Variants in PTER observed in about 807,000 individuals in gnomAD.
PTER encodes phosphotriesterase related.
Under a neutral mutation model 29.6 loss-of-function variants are expected in PTER, and 38 were observed. The ratio of observed to expected loss-of-function variants is 1.28; its 90% CI spans 0.99 to 1.68. The LOEUF (loss-of-function observed/expected upper bound fraction) is 1.68, where lower values mean the gene tolerates loss of function less well. Ranked by LOEUF, PTER falls within the 40% of genes most tolerant of loss-of-function variation. The pLI, the probability that PTER is intolerant of heterozygous loss-of-function variation, is 0.00. For synonymous variants in PTER, 172 were observed against 154.5 expected (o/e 1.11, Z -0.84); for missense variants, 482 against 427.8 (o/e 1.13, Z -1.12).
intron 3 of PTER, among the ~76,000 whole-genome samples, chr10:16,496,041 C>T (rs766805943): frequency 2.6e-5 from 4 of 152,178 alleles, no homozygotes; most frequent in Non-Finnish European, 5.9e-5. Context: ...TTCACTCTTG[C>T]TGCTGTGCTC....
the PTER span, among the ~76,000 whole-genome samples, chr10:16,519,019 C>A: frequency 6.6e-6 from 1 of 151,856 alleles, no homozygotes; most frequent in African/African-American, 2.4e-5. Flanking sequence ...CCTGTCAGTG[C>A]CTCCTGGTGG....
intron 1 of PTER, among the ~76,000 whole-genome samples, chr10:16,481,150 G>C (rs1835466051): frequency 6.6e-6 from 1 of 152,190 alleles, no homozygotes; most frequent in Admixed American, 6.5e-5. Context: ...CAGAACTTTT[G>C]ACCCATGTGT....
intron 1 of PTER, among the ~76,000 whole-genome samples, chr10:16,446,762 A>C (rs1834027969): frequency 1.3e-5 from 2 of 150,980 alleles, no homozygotes; most frequent in Non-Finnish European, 3.0e-5. Context: ...ATTGTAAGAC[A>C]TTTTTGTTTG....
chr10:16,458,118 C>A (rs903700968), intron 1 of PTER, among the ~76,000 whole-genome samples: 1 of 152,122 alleles, frequency 6.6e-6, no homozygotes, highest in Non-Finnish European at 1.5e-5. Flanking sequence ...AAAAGAAACC[C>A]TATTATCTTG....
intron 1 of PTER, among the ~76,000 whole-genome samples, chr10:16,468,137 T>A (rs905320692): frequency 6.6e-6 from 1 of 152,002 alleles, no homozygotes; most frequent in African/African-American, 2.4e-5. Context: ...AGGTCAGGAG[T>A]TTGAGACCAG....
intron 1 of PTER, among the ~76,000 whole-genome samples, chr10:16,462,565 A>G (rs1282565920): frequency 3.6e-5 from 5 of 138,264 alleles, no homozygotes; most frequent in Non-Finnish European, 7.6e-5. Context: ...CTTCCACATA[A>G]TCTACTTTTT....
intron 3 of PTER, among the ~76,000 whole-genome samples, chr10:16,501,634 G>T (rs1324369678): frequency 6.6e-6 from 1 of 152,046 alleles, no homozygotes; most frequent in Admixed American, 6.6e-5. Flanking sequence ...GCAGTGTGAG[G>T]GTACCACGGG....
intron 1 of PTER, among the ~76,000 whole-genome samples, chr10:16,449,251 G>A (rs1435125848): frequency 1.3e-5 from 2 of 152,068 alleles, no homozygotes; most frequent in Non-Finnish European, 2.9e-5. Flanking sequence ...GAGCCACTGT[G>A]GGGATTCTGC....
intron 1 of PTER, among the ~76,000 whole-genome samples, chr10:16,453,498 A>AT (rs1446346099): frequency 6.6e-6 from 1 of 152,190 alleles, no homozygotes; most frequent in Non-Finnish European, 1.5e-5. Flanking sequence ...AGACACCATT[A>AT]TTGTATACTT....
At chr10:16,496,876 C>T (rs1287914389) in intron 3 of PTER, among the ~76,000 whole-genome samples, 1 of 151,892 alleles carries the variant, frequency 6.6e-6, no homozygotes, top group Non-Finnish European at 1.5e-5. Flanking sequence ...ATAAACTACA[C>T]CCTTATATTC....
intron 1 of PTER, among the ~76,000 whole-genome samples, chr10:16,463,182 A>C (rs1319611229): frequency 6.9e-6 from 1 of 145,708 alleles, no homozygotes; most frequent in Non-Finnish European, 1.5e-5. Context: ...CCTGGGCGAC[A>C]GAGCGAGACT....
chr10:16,471,105 G>T (rs1835035668), intron 1 of PTER, among the ~76,000 whole-genome samples: 2 of 152,158 alleles, frequency 1.3e-5, no homozygotes, highest in Admixed American at 1.3e-4. Context: ...AAATCAGTCG[G>T]CGATGGACTA....
intron 1 of PTER, among the ~76,000 whole-genome samples, chr10:16,459,268 C>T (rs781393374): frequency 6.6e-6 from 1 of 152,120 alleles, no homozygotes; most frequent in Admixed American, 6.5e-5. Flanking sequence ...TGAAGCTGGA[C>T]GATTTTACGT....
chr10:16,437,543 C>G (rs1455506047), intron 1 of PTER: 2 of 152,122 alleles, frequency 1.3e-5, no homozygotes, highest in Non-Finnish European at 2.9e-5. Context: ...GAGTGTCTCG[C>G]CATGTTGCCC....
Position 16,489,549 on chromosome 10 carries a change from GTT to G in PTER, c.698+2943_698+2944del, listed in dbSNP as rs34292141. On this transcript the variant is annotated intron_variant, in intron 3 of 4. Coordinates refer to ENST00000535784, the MANE Select transcript of PTER (RefSeq NM_001261836.2). ...TTAGGTTGGTTTCCTCTTACCCCTG[GTT>G]TTTTTTTTTTGGTTATTTATTTTTT... Among the ~76,000 whole-genome samples the G allele has an allele frequency of 2.5e-4, 37 of 146,206 alleles. 1 individual carries two copies. The highest frequency in any genetic ancestry group is 8.8e-4 in the Admixed American group (13 of 14,712).
rs111724790 is a variant in PTER, at chr10:16,498,913, G to A, written c.699-6107G>A. On this transcript the variant is annotated intron_variant, in intron 3 of 4. Coordinates refer to ENST00000535784, the MANE Select transcript of PTER (RefSeq NM_001261836.2). ...ACATGGGTAAGTCACCTTGTTAGAC[G>A]TTCACGGCGCAAGGTGCTTGTTCCT... Among the ~76,000 whole-genome samples the A allele has an allele frequency of 2.7e-3, 405 of 152,318 alleles. 3 individuals carry two copies. The highest frequency in any genetic ancestry group is 9.0e-3 in the African/African-American group (373 of 41,568).
At chr10:16,498,886 T>C (rs542548342) in intron 3 of PTER, among the ~76,000 whole-genome samples, 1 of 152,326 alleles carries the variant, frequency 6.6e-6, no homozygotes, top group South Asian at 2.1e-4. Context: ...AATGTCAATT[T>C]CACATGGGTA....
intron 3 of PTER, among the ~76,000 whole-genome samples, chr10:16,490,268 T>A (rs2133463508): frequency 6.6e-6 from 1 of 152,252 alleles, no homozygotes; most frequent in East Asian, 1.9e-4. Flanking sequence ...TGAAGTACGG[T>A]TTCTAGTGAA....
intron 1 of PTER, among the ~76,000 whole-genome samples, chr10:16,467,856 G>A (rs1834897133): frequency 6.6e-6 from 1 of 152,148 alleles, no homozygotes; most frequent in South Asian, 2.1e-4. Flanking sequence ...AACTTGGAGT[G>A]TGAAGATACA....
Sources: gnomAD v4.1 joint callset for allele counts (sites outside exome capture counted in the v4.1 genomes callset) on GRCh38, gnomAD v4.1.1 for gene constraint, MANE v1.5 for transcripts, NCBI Gene and HGNC (gene_info 2026-07-23, HGNC 2026-07-21) for gene names.